The following AGAP1 variants were observed in gnomAD, a reference collection of about 807,000 sequenced individuals.
The protein encoded by AGAP1 is arf-GAP with GTPase, ANK repeat and PH domain-containing protein 1.
AGAP1 carries 29 observed loss-of-function variants against 105.3 expected under a neutral mutation model. The observed-to-expected ratio is 0.28, with a 90% confidence interval of 0.21 to 0.38. The LOEUF is 0.38. Ranked by LOEUF, AGAP1 falls within the 10% of genes least tolerant of loss-of-function variation. The pLI is 1.00. For missense variants in AGAP1, 998 were observed against 1,165.1 expected (o/e 0.86, Z 2.09); for synonymous variants, 509 against 485.9 (o/e 1.05, Z -0.63).
At chr2:235,841,891 T>C (rs1533432) in intron 9 of AGAP1, among the ~76,000 whole-genome samples, 146,348 of 152,144 alleles carry the variant, frequency 0.96, 70,440 homozygotes, top group East Asian at 1. Context: ...ACCCGTATCC[T>C]GCTGCTCTCT....
At chr2:236,108,668 A>G (rs1340506704) in intron 16 of AGAP1, among the ~76,000 whole-genome samples, 1 of 152,144 alleles carries the variant, frequency 6.6e-6, no homozygotes, top group African/African-American at 2.4e-5. Context: ...CCTGGAGTGC[A>G]CTTTCGGGAA....
In AGAP1 at chr2:235,734,366, G is replaced by A. The variant is rs1952120473; in HGVS notation, c.311-6597G>A. ...CACAGCGCTGGGCGGTTGACGAGGT[G>A]TGGCCAGCTTGCATCTGCTGAAAGA... On this transcript the variant is annotated intron_variant, in intron 3 of 17. Transcript: ENST00000304032. This position sits in a 1 kb window ranked among gnomAD's most constrained non-coding sequence, Gnocchi z 5.3. 2.0e-5 allele frequency among the ~76,000 whole-genome samples: 3 copies of A among 152,138 alleles called. No individual in the cohort carries two copies. Among genetic ancestry groups the A allele is most frequent in the Admixed American group, 1.3e-4 (2 of 15,286 alleles).
chr2:235,860,496 A>G (rs1165301657), intron 9 of AGAP1, among the ~76,000 whole-genome samples: 1 of 152,208 alleles, frequency 6.6e-6, no homozygotes, highest in Non-Finnish European at 1.5e-5. Flanking sequence ...TATTAATGGT[A>G]TCTAGGATAG....
chr2:235,823,749 A>G (rs1308533835), intron 9 of AGAP1, among the ~76,000 whole-genome samples: 1 of 152,200 alleles, frequency 6.6e-6, no homozygotes, highest in African/African-American at 2.4e-5. Flanking sequence ...TTTAAGCTTC[A>G]TGCTGTTTTA....
chr2:236,026,721 T>TC (rs1462434379), intron 13 of AGAP1, among the ~76,000 whole-genome samples: 1 of 151,936 alleles, frequency 6.6e-6, no homozygotes, highest in East Asian at 1.9e-4. Flanking sequence ...AGAGCGAGAC[T>TC]CCATCTCAGA....
At chr2:235,969,845 C>T (rs748813057) in intron 13 of AGAP1, among the ~76,000 whole-genome samples, 6 of 152,192 alleles carry the variant, frequency 3.9e-5, no homozygotes, top group Non-Finnish European at 8.8e-5. Flanking sequence ...AGCCTTTCTC[C>T]TTCACCACGT....
chr2:235,680,115 T>C (rs1200246303), intron 1 of AGAP1, among the ~76,000 whole-genome samples: 1 of 152,220 alleles, frequency 6.6e-6, no homozygotes, highest in Admixed American at 6.5e-5. Context: ...TAGCTCTATA[T>C]GCAGGAGATC....
chr2:235,514,159 C>T (rs1286818779), intron 1 of AGAP1, among the ~76,000 whole-genome samples: 2 of 66,324 alleles, frequency 3.0e-5, no homozygotes, highest in African/African-American at 5.9e-5. Context: ...CGCGTGCGCG[C>T]GCGCACACAC....
chr2:235,609,727 C>T lies in AGAP1; in HGVS notation c.164-99452C>T, dbSNP rs1450092906. 6.6e-6 allele frequency among the ~76,000 whole-genome samples: 1 copy of T among 152,082 alleles called. No homozygotes were observed. The highest frequency in any genetic ancestry group is 1.5e-5 in the Non-Finnish European group (1 of 68,016). ...AGGAGCTCTGGAGGTCTTCTGTTTG[C>T]TGTTGTATGCTGTGGCTCAGAAGTT... On this transcript the variant is annotated intron_variant, in intron 1 of 17. Transcript: ENST00000304032. The surrounding 1 kb of genome is among the most constrained non-coding windows in gnomAD (Gnocchi z 5.1).
rs2059464313 is a variant in AGAP1, at chr2:236,105,579, A to C, written c.2115-14613A>C. Among the ~76,000 whole-genome samples the C allele has an allele frequency of 8.0e-6, 1 of 124,470 alleles. No homozygotes were observed. Among genetic ancestry groups the C allele is most frequent in the African/African-American group, 3.2e-5 (1 of 31,678 alleles). The allele number at this position is 124,470 out of a possible 152,430, so 81.7% of individuals were successfully genotyped here. Reference sequence around the variant, plus strand: ...TTTTTTTTTTTTTTTTTTTTGAGACACAGTCTCGCTCTGTCACCCAGGCTG... The same window carrying C: ...TTTTTTTTTTTTTTTTTTTTGAGACCCAGTCTCGCTCTGTCACCCAGGCTG... On this transcript the variant is annotated intron_variant, in intron 16 of 17. Coordinates refer to ENST00000304032, the MANE Select transcript of AGAP1 (RefSeq NM_001037131.3). The surrounding 1 kb of genome is among the most constrained non-coding windows in gnomAD (Gnocchi z 4.2).
At chr2:235,688,319 G>A (rs555642368) in intron 1 of AGAP1, among the ~76,000 whole-genome samples, 1 of 152,240 alleles carries the variant, frequency 6.6e-6, no homozygotes, top group Admixed American at 6.5e-5. Flanking sequence ...TGAGGTCTGT[G>A]GTGTCTGTTT....
At chr2:235,677,619 G>T (rs140474413) in intron 1 of AGAP1, among the ~76,000 whole-genome samples, 17 of 152,148 alleles carry the variant, frequency 1.1e-4, no homozygotes, top group Non-Finnish European at 2.2e-4. Flanking sequence ...GCCTTTGGGT[G>T]CATCATTTGA....
chr2:236,007,187 A>G (rs1471666852), intron 13 of AGAP1, among the ~76,000 whole-genome samples: 3 of 152,222 alleles, frequency 2.0e-5, no homozygotes, highest in Admixed American at 6.5e-5. Context: ...AATAAATGCC[A>G]TGTATCTTAT....
At chr2:235,595,527 A>G (rs1279022969) in intron 1 of AGAP1, among the ~76,000 whole-genome samples, 21 of 152,252 alleles carry the variant, frequency 1.4e-4, no homozygotes, top group Admixed American at 1.4e-3. Context: ...CTTACAGCTA[A>G]GTAAAGCAGT....
intron 1 of AGAP1, among the ~76,000 whole-genome samples, chr2:235,499,405 T>G (rs10168100): frequency 2.0e-5 from 3 of 152,198 alleles, no homozygotes; most frequent in African/African-American, 7.2e-5. Context: ...GAAACAAACA[T>G]TTTCTTCCTG....
chr2:235,857,842 G>T (rs532788685), intron 9 of AGAP1, among the ~76,000 whole-genome samples: 1 of 152,214 alleles, frequency 6.6e-6, no homozygotes, highest in African/African-American at 2.4e-5. Flanking sequence ...CAGTAAAAGC[G>T]CTGGAAGAAC....
Position 235,524,160 on chromosome 2 carries a change from C to T in AGAP1, c.163+29311C>T, listed in dbSNP as rs1457130690. Among the ~76,000 whole-genome samples the T allele has an allele frequency of 1.3e-5, 2 of 152,178 alleles. 1 individual carries two copies. Among genetic ancestry groups the T allele is most frequent in the South Asian group, 4.1e-4 (2 of 4,826 alleles). ...ATTCTTACCACGGGCGTCCGTGGGC[C>T]ACCATTGTCTCCTGGCATCTGGCTG... On this transcript the variant is annotated intron_variant, in intron 1 of 17. Coordinates refer to ENST00000304032, the MANE Select transcript of AGAP1 (RefSeq NM_001037131.3).
intron 16 of AGAP1, among the ~76,000 whole-genome samples, chr2:236,102,099 T>C (rs1250869498): frequency 6.6e-6 from 1 of 151,982 alleles, no homozygotes; most frequent in African/African-American, 2.4e-5. Flanking sequence ...CTGGCCAACA[T>C]GGTGAAACCC....
intron 9 of AGAP1, among the ~76,000 whole-genome samples, chr2:235,868,195 T>A (rs1412892962): frequency 6.8e-6 from 1 of 147,158 alleles, no homozygotes; most frequent in Non-Finnish European, 1.5e-5. Flanking sequence ...AAACATCACT[T>A]TTTTTTTTTT....
Sources: gnomAD v4.1 joint callset for allele counts (sites outside exome capture counted in the v4.1 genomes callset) on GRCh38, gnomAD v4.1.1 for gene constraint, Gnocchi (gnomAD v3.1) non-coding constraint, MANE v1.5 for transcripts, NCBI Gene and HGNC (gene_info 2026-07-23, HGNC 2026-07-21) for gene names.